Variants in KSR2 observed in about 807,000 individuals in gnomAD.
KSR2 encodes the protein kinase suppressor of ras 2.
A neutral mutation model predicts 107.8 loss-of-function variants in KSR2; 25 were observed. The ratio of observed to expected loss-of-function variants is 0.23; its 90% CI spans 0.17 to 0.32. The LOEUF (loss-of-function observed/expected upper bound fraction) is 0.32. KSR2 is among the 10% of genes least tolerant of loss of function. The probability of loss-of-function intolerance (pLI) is 1.00; values close to 1 mark genes in which losing one functional copy is unlikely to be tolerated. For missense variants in KSR2, 887 were observed against 1,268.9 expected (o/e 0.70, Z 4.57); for synonymous variants, 480 against 507.0 (o/e 0.95, Z 0.71).
At chr12:117,605,227 T>C (rs997166004) in intron 5 of KSR2, among the ~76,000 whole-genome samples, 9 of 152,116 alleles carry the variant, frequency 5.9e-5, no homozygotes, top group African/African-American at 2.2e-4. Context: ...AGTGTGGCTG[T>C]GACCAGCTCA....
At chr12:117,811,852 A>T (rs1283244833) in intron 3 of KSR2, among the ~76,000 whole-genome samples, 4 of 152,204 alleles carry the variant, frequency 2.6e-5, no homozygotes, top group Admixed American at 6.5e-5. Flanking sequence ...AGAAAAGAAG[A>T]TGTTTTGGAG....
At chr12:117,824,791 C>A (rs929332877) in intron 3 of KSR2, among the ~76,000 whole-genome samples, 1 of 147,792 alleles carries the variant, frequency 6.8e-6, no homozygotes, top group Non-Finnish European at 1.5e-5. Flanking sequence ...CGGGAGGCGG[C>A]GCTTGCAGTG....
intron 2 of KSR2, among the ~76,000 whole-genome samples, chr12:117,859,000 G>C (rs1426468259): frequency 6.6e-6 from 1 of 152,100 alleles, no homozygotes; most frequent in African/African-American, 2.4e-5. Context: ...GGGATCCCAG[G>C]GGGTAAGAAA....
intron 14 of KSR2, among the ~76,000 whole-genome samples, chr12:117,501,045 A>G (rs898212279): frequency 5.9e-5 from 9 of 152,260 alleles, no homozygotes; most frequent in African/African-American, 1.7e-4. Flanking sequence ...CGCGGGCCAA[A>G]AGTAGCCCAA....
intron 12 of KSR2, among the ~76,000 whole-genome samples, chr12:117,527,593 G>C (rs1293285532): frequency 6.6e-6 from 1 of 152,176 alleles, no homozygotes; most frequent in Non-Finnish European, 1.5e-5. Context: ...CAGTGTTCTT[G>C]TTTGTCTGTT....
intron 1 of KSR2, among the ~76,000 whole-genome samples, chr12:117,908,260 C>T (rs1025019374): frequency 3.4e-5 from 5 of 148,196 alleles, no homozygotes; most frequent in Admixed American, 6.9e-5. Flanking sequence ...GCTTTGTTTG[C>T]GCCTTTTTTT....
intron 3 of KSR2, among the ~76,000 whole-genome samples, chr12:117,808,645 G>A (rs1227608793): frequency 6.6e-6 from 1 of 152,050 alleles, no homozygotes; most frequent in African/African-American, 2.4e-5. Context: ...ATGTCTAATT[G>A]CATCTCAATC....
intron 5 of KSR2, among the ~76,000 whole-genome samples, chr12:117,586,629 A>AAAAGAAAGAAAAAGAAAG (rs1880014463): frequency 7.2e-6 from 1 of 138,314 alleles, no homozygotes; most frequent in Non-Finnish European, 1.5e-5. Flanking sequence ...AAAAGAAAGA[A>AAAAGAAAGAAAAAGAAAG]AAAGAAAGAA....
chr12:117,616,623 A>C (rs1309211368), intron 5 of KSR2, among the ~76,000 whole-genome samples: 1 of 151,956 alleles, frequency 6.6e-6, no homozygotes, highest in Non-Finnish European at 1.5e-5. Context: ...ATTCAGAACA[A>C]CTCTGCATTG....
chr12:117,706,098 C>G (rs1207664284), intron 4 of KSR2, among the ~76,000 whole-genome samples: 9 of 141,876 alleles, frequency 6.3e-5, no homozygotes, highest in Admixed American at 3.8e-4. Context: ...GGCTGGAGAG[C>G]AGTGGTGCAA....
intron 5 of KSR2, among the ~76,000 whole-genome samples, chr12:117,609,797 C>T (rs556641928): frequency 1.6e-3 from 236 of 152,246 alleles, no homozygotes; most frequent in Non-Finnish European, 2.6e-3. Flanking sequence ...GAGCTGTATC[C>T]CTGGTCCCAT....
intron 4 of KSR2, among the ~76,000 whole-genome samples, chr12:117,734,109 C>T (rs1190102608): frequency 6.6e-6 from 1 of 151,996 alleles, no homozygotes; most frequent in Non-Finnish European, 1.5e-5. Context: ...GGTGAAACCC[C>T]GTCTCTACCA....
chr12:117,523,317 C>G (rs964846257), intron 14 of KSR2, among the ~76,000 whole-genome samples: 2 of 152,204 alleles, frequency 1.3e-5, no homozygotes, highest in African/African-American at 4.8e-5. Flanking sequence ...CATTTGGGGT[C>G]TCACTGCTTG....
chr12:117,887,193 A>T (rs1894202516), intron 1 of KSR2, among the ~76,000 whole-genome samples: 1 of 151,896 alleles, frequency 6.6e-6, no homozygotes, highest in Admixed American at 6.6e-5. Flanking sequence ...CAAAGTACTG[A>T]GATTACAGGC....
chr12:117,740,655 T>C (rs928241106), intron 4 of KSR2, among the ~76,000 whole-genome samples: 1 of 90,248 alleles, frequency 1.1e-5, no homozygotes, highest in Non-Finnish European at 2.8e-5. Context: ...ATTATATATG[T>C]AATATATAAT....
chr12:117,777,107 T>TATATATATATATATATATATATACAC (rs58787858), intron 3 of KSR2, among the ~76,000 whole-genome samples: 1 of 66,156 alleles, frequency 1.5e-5, no homozygotes, highest in African/African-American at 6.0e-5. Flanking sequence ...TATATATATA[T>TATATATATATATATATATATATACAC]ACACACACAC....
chr12:117,563,224 A>G (rs755895687), intron 7 of KSR2, among the ~76,000 whole-genome samples: 13 of 152,174 alleles, frequency 8.5e-5, no homozygotes, highest in Non-Finnish European at 1.8e-4. Flanking sequence ...TGATTGGGTA[A>G]GTGTCTTTTG....
chr12:117,946,230 T>C lies in KSR2; in HGVS notation c.180+21846A>G, dbSNP rs764973673. On this transcript the variant is annotated intron_variant, in intron 1 of 19. Coordinates refer to ENST00000339824, the MANE Select transcript of KSR2 (RefSeq NM_173598.6). The stretch of plus-strand genomic sequence containing the variant: ...TATAGTAAGCAGAAGAAAGAAAAAA[T>C]AGTAAGAATGAAAATCAATGAAATT... 2.0e-5 allele frequency among the ~76,000 whole-genome samples: 3 copies of C among 150,926 alleles called. No homozygotes were observed. The East Asian group carries it at 5.9e-4, about 29-fold the overall frequency.
At chr12:117,870,764 A>G (rs1893624102) in intron 1 of KSR2, among the ~76,000 whole-genome samples, 1 of 152,194 alleles carries the variant, frequency 6.6e-6, no homozygotes. Context: ...GGGTACTCCA[A>G]TTATGATACA....
Sources: gnomAD v4.1 joint callset for allele counts (sites outside exome capture counted in the v4.1 genomes callset) on GRCh38, gnomAD v4.1.1 for gene constraint, MANE v1.5 for transcripts, NCBI Gene and HGNC (gene_info 2026-07-23, HGNC 2026-07-21) for gene names.